GRID1: variants seen among roughly 807,000 people sequenced by gnomAD.
GRID1 encodes glutamate ionotropic receptor delta type subunit 1.
A neutral mutation model predicts 98.0 loss-of-function variants in GRID1; 28 were observed. That is an observed-to-expected ratio of 0.29 (90% CI 0.21 to 0.39). The LOEUF is 0.39. GRID1 is among the 10% of genes least tolerant of loss of function. The pLI, the probability that GRID1 is intolerant of heterozygous loss-of-function variation, is 1.00. For synonymous variants in GRID1, 553 were observed against 538.5 expected (o/e 1.03, Z -0.37); for missense variants, 1,111 against 1,340.5 (o/e 0.83, Z 2.67).
chr10:85,638,050 G>A (rs1843071299), intron 13 of GRID1, among the ~76,000 whole-genome samples: 1 of 152,092 alleles, frequency 6.6e-6, no homozygotes, highest in Admixed American at 6.5e-5. Flanking sequence ...AAGAAAACAA[G>A]TGTAAAATTA....
At chr10:85,783,364 A>G (rs1373894991) in intron 8 of GRID1, among the ~76,000 whole-genome samples, 2 of 152,184 alleles carry the variant, frequency 1.3e-5, no homozygotes, top group African/African-American at 2.4e-5. Flanking sequence ...TCTCTGACAG[A>G]GAGACTGACC....
At chr10:85,757,408 A>T (rs1842109615) in intron 8 of GRID1, among the ~76,000 whole-genome samples, 1 of 152,266 alleles carries the variant, frequency 6.6e-6, no homozygotes, top group Admixed American at 6.5e-5. Context: ...GAGTGAGGGC[A>T]GAAAATTCTC....
chr10:85,892,009 T>C (rs2131809825), intron 5 of GRID1, among the ~76,000 whole-genome samples: 1 of 151,730 alleles, frequency 6.6e-6, no homozygotes, highest in African/African-American at 2.4e-5. Flanking sequence ...ATATACCATA[T>C]GTAAAGAAGA....
intron 4 of GRID1, among the ~76,000 whole-genome samples, chr10:86,025,192 G>A (rs55819420): frequency 0.047 from 7,197 of 152,226 alleles, 599 homozygotes; most frequent in African/African-American, 0.16. Context: ...TCTGTGACCC[G>A]GACACATGGC....
chr10:85,832,765 A>G (rs1262100787), intron 8 of GRID1, among the ~76,000 whole-genome samples: 3 of 152,168 alleles, frequency 2.0e-5, no homozygotes, highest in African/African-American at 4.8e-5. Context: ...AATTTTCTAA[A>G]TTCCAACCAA....
At chr10:85,799,260 G>T (rs903081325) in intron 8 of GRID1, among the ~76,000 whole-genome samples, 1 of 152,078 alleles carries the variant, frequency 6.6e-6, no homozygotes, top group African/African-American at 2.4e-5. Context: ...GGTATACTTT[G>T]AAGTCAGAAA....
At position 86,206,089 on chromosome 10, in the gene GRID1, C is replaced by T. The variant is rs1846020859; in HGVS notation, c.520+275G>A. Reference sequence around the variant, plus strand: ...AGCATACAGCCCTTTGGATCCCTGCCAGCAGTTTATTAATATTTTATTGAA... The same window carrying T: ...AGCATACAGCCCTTTGGATCCCTGCTAGCAGTTTATTAATATTTTATTGAA... On this transcript the variant is annotated intron_variant, in intron 3 of 15. Transcript: ENST00000327946. This position sits in a 1 kb window ranked among gnomAD's most constrained non-coding sequence, Gnocchi z 4.1. Among the ~76,000 whole-genome samples the T allele has an allele frequency of 6.6e-6, 1 of 152,232 alleles. No homozygotes were observed. Among genetic ancestry groups the T allele is most frequent in the African/African-American group, 2.4e-5 (1 of 41,462 alleles).
At chr10:85,988,524 C>T (rs61856004) in intron 4 of GRID1, among the ~76,000 whole-genome samples, 8,523 of 152,252 alleles carry the variant, frequency 0.056, 304 homozygotes, top group Middle Eastern at 0.092. Context: ...CCTGGGCCTT[C>T]CTAGACCCCT....
At chr10:85,846,417 G>A (rs1318971055) in intron 8 of GRID1, among the ~76,000 whole-genome samples, 2 of 152,070 alleles carry the variant, frequency 1.3e-5, no homozygotes, top group South Asian at 2.1e-4. Flanking sequence ...CCAGCTACTC[G>A]TGGGCCTGCG....
At chr10:85,957,162 C>T (rs1449953104) in intron 4 of GRID1, among the ~76,000 whole-genome samples, 1 of 152,166 alleles carries the variant, frequency 6.6e-6, no homozygotes, top group African/African-American at 2.4e-5. Flanking sequence ...CCTCCCCCAA[C>T]ACGTGGGGAT....
At chr10:86,073,659 T>C (rs968220141) in intron 4 of GRID1, among the ~76,000 whole-genome samples, 10 of 152,178 alleles carry the variant, frequency 6.6e-5, no homozygotes, top group South Asian at 2.1e-4. Context: ...TCAAGCTCCA[T>C]TGAGCTCCGG....
chr10:86,177,485 C>T (rs1015591035), intron 3 of GRID1, among the ~76,000 whole-genome samples: 4 of 151,536 alleles, frequency 2.6e-5, no homozygotes, highest in South Asian at 2.1e-4. Context: ...GAAGCTTTAG[C>T]GTGTGCATGC....
At chr10:85,920,794 G>T (rs574631206) in intron 4 of GRID1, among the ~76,000 whole-genome samples, 1 of 152,316 alleles carries the variant, frequency 6.6e-6, no homozygotes, top group African/African-American at 2.4e-5. Context: ...TCTGCTCAGG[G>T]TGGGCTCCCA....
chr10:85,692,175 C>T (rs1185485777), intron 12 of GRID1, among the ~76,000 whole-genome samples: 1 of 152,122 alleles, frequency 6.6e-6, no homozygotes, highest in Non-Finnish European at 1.5e-5. Flanking sequence ...GTCTCTCAAG[C>T]TCCACTGTCC....
chr10:85,694,548 GTGTATATATATATATATATATA>G (rs1360163595), intron 12 of GRID1, among the ~76,000 whole-genome samples: 8 of 70,704 alleles, frequency 1.1e-4, no homozygotes, highest in African/African-American at 3.8e-4. Context: ...AAAATGTGGT[GTGTATATATATATATATATATA>G]TATATATATA....
chr10:86,153,429 A>C (rs1845198118), intron 3 of GRID1, among the ~76,000 whole-genome samples: 1 of 152,236 alleles, frequency 6.6e-6, no homozygotes, highest in Non-Finnish European at 1.5e-5. Flanking sequence ...AACAAACAAA[A>C]TTGATAAATA....
Position 86,005,529 on chromosome 10 carries a change from T to C in GRID1, c.727-89290A>G, listed in dbSNP as rs192164425. On this transcript the variant is annotated intron_variant, in intron 4 of 15. Transcript: ENST00000327946. The stretch of plus-strand genomic sequence containing the variant: ...ATCTAATAACAAAGCACAGGATACC[T>C]GAACTACCAAAAAATGAAAGCAAGC... Among the ~76,000 whole-genome samples, 1,111 of 152,224 alleles carry C rather than the reference T, an allele frequency of 7.3e-3. 7 individuals carry two copies. The highest frequency in any genetic ancestry group is 0.012 in the Non-Finnish European group (785 of 68,012).
chr10:85,961,493 C>A (rs1210108785), intron 4 of GRID1, among the ~76,000 whole-genome samples: 1 of 152,102 alleles, frequency 6.6e-6, no homozygotes, highest in Non-Finnish European at 1.5e-5. Flanking sequence ...TCAGGACCCA[C>A]CAACCACCGT....
intron 4 of GRID1, among the ~76,000 whole-genome samples, chr10:85,931,021 G>A (rs940123899): frequency 7.9e-5 from 12 of 152,010 alleles, no homozygotes; most frequent in Admixed American, 1.3e-4. Context: ...TGCATTTTTT[G>A]TAGAGACTGG....
Sources: gnomAD v4.1 joint callset for allele counts (sites outside exome capture counted in the v4.1 genomes callset) on GRCh38, gnomAD v4.1.1 for gene constraint, Gnocchi (gnomAD v3.1) non-coding constraint, MANE v1.5 for transcripts, NCBI Gene and HGNC (gene_info 2026-07-23, HGNC 2026-07-21) for gene names.